THTPA: variants seen among roughly 807,000 people sequenced by gnomAD.
The protein encoded by THTPA is thiamine-triphosphatase.
THTPA carries 16 observed loss-of-function variants against 16.5 expected under a neutral mutation model. The observed-to-expected ratio is 0.97, with a 90% CI of 0.66 to 1.47. The LOEUF (loss-of-function observed/expected upper bound fraction) is 1.47. Among genes scored for constraint, THTPA ranks in the 40% most tolerant of loss-of-function variants. The pLI, the probability that THTPA is intolerant of heterozygous loss-of-function variation, is 0.00. For missense variants in THTPA, 281 were observed against 280.9 expected, an observed-to-expected ratio of 1.00 and a Z score of 0.00; for synonymous variants, 110 against 115.5, an observed-to-expected ratio of 0.95 and a Z score of 0.30.
chr14:23,528,475 A>C, the THTPA span, among the ~76,000 whole-genome samples: 1 of 151,038 alleles, frequency 6.6e-6, no homozygotes, highest in East Asian at 1.9e-4. Context: ...TACTGCCCCC[A>C]CCTTGGATTT....
chr14:23,512,746 A>G, the THTPA span: 1 of 150,312 alleles, frequency 6.7e-6, no homozygotes, highest in Non-Finnish European at 1.5e-5. Flanking sequence ...ATATGCATAT[A>G]TATGTATATA....
chr14:23,551,937 C>G (rs1277121304), upstream of THTPA, among the ~76,000 whole-genome samples: 1 of 152,218 alleles, frequency 6.6e-6, no homozygotes, highest in Non-Finnish European at 1.5e-5. This position sits in a 1 kb window ranked among gnomAD's most constrained non-coding sequence, Gnocchi z 5.3. Flanking sequence ...CAAGCCGGTG[C>G]CTGCAAAGAG....
chr14:23,551,957 C>G (rs1881998478), upstream of THTPA, among the ~76,000 whole-genome samples: 1 of 152,236 alleles, frequency 6.6e-6, no homozygotes, highest in South Asian at 2.1e-4. The surrounding 1 kb of genome is among the most constrained non-coding windows in gnomAD (Gnocchi z 5.3). Context: ...GGGCAGGCCC[C>G]TTTAAACTCT....
At chr14:23,526,264 G>A in the THTPA span, 5 of 1,536,384 alleles carry the variant, frequency 3.3e-6, no homozygotes, top group Non-Finnish European at 4.4e-6. Context: ...CAGGGGCAGA[G>A]GGGTCAATGG....
chr14:23,559,926 C>T lies in THTPA; in HGVS notation c.*1086C>T. 1 of 1,612,282 alleles carries T rather than the reference C, an allele frequency of 6.2e-7. No homozygotes were observed. The highest frequency in any genetic ancestry group is 1.1e-5 in the South Asian group (1 of 90,916). On this transcript the variant is annotated 3_prime_UTR_variant, in exon 2 of 2. Transcript: ENST00000288014. ...CCCTGGGTCTTGTCTTGGGGGAACT[C>T]CTGAAGCTCACCTTGTTAGGATTGA...
At chr14:23,539,904 C>G in the THTPA span, among the ~76,000 whole-genome samples, 3 of 152,258 alleles carry the variant, frequency 2.0e-5, no homozygotes, top group Non-Finnish European at 4.4e-5. Context: ...AAACCCAACT[C>G]CATGGCAAAG....
the THTPA span, chr14:23,534,048 G>A: frequency 6.5e-7 from 1 of 1,533,792 alleles, no homozygotes; most frequent in Non-Finnish European, 8.7e-7. This position sits in a 1 kb window ranked among gnomAD's most constrained non-coding sequence, Gnocchi z 4.5. Flanking sequence ...CAGGGGCTGG[G>A]GTGTAGTCAT....
At chr14:23,522,928 G>C in the THTPA span, 1 of 1,446,886 alleles carries the variant, frequency 6.9e-7, no homozygotes, top group Non-Finnish European at 9.0e-7. Flanking sequence ...GGAGGCCTGA[G>C]GAGGCTGCCG....
At position 23,559,620 on chromosome 14, in the gene THTPA, C is replaced by A; in HGVS notation, c.*780C>A. On this transcript the variant is annotated 3_prime_UTR_variant, in exon 2 of 2. Coordinates refer to ENST00000288014, the MANE Select transcript of THTPA (RefSeq NM_024328.6). ...GGGCTTTATTTGTGGGAGAAGGGGG[C>A]TGGTCCCCAGTTTTTGCAGTGCAAA... The A allele has an allele frequency of 1.3e-6, 1 of 745,900 alleles. No individual in the cohort carries two copies. Among genetic ancestry groups the A allele is most frequent in the Non-Finnish European group, 2.3e-6 (1 of 436,316 alleles). The allele number at this position is 745,900 out of a possible 1,614,324, so 46.2% of individuals were successfully genotyped here. A position where few individuals can be genotyped will look rare whatever the true frequency, so the allele number is the denominator to read the frequency against.
At chr14:23,525,391 AG>A in the THTPA span, 1 of 1,536,038 alleles carries the variant, frequency 6.5e-7, no homozygotes, top group South Asian at 1.2e-5. This position sits in a 1 kb window ranked among gnomAD's most constrained non-coding sequence, Gnocchi z 5.9. Context: ...TTCGAAACTG[AG>A]CAGCATAACG....
At chr14:23,547,381 T>C in the THTPA span, among the ~76,000 whole-genome samples, 1 of 152,258 alleles carries the variant, frequency 6.6e-6, no homozygotes, top group South Asian at 2.1e-4. Flanking sequence ...CCAATTCAAT[T>C]GTAGTTTCAT....
At chr14:23,531,612 C>T in the THTPA span, 49 of 1,525,100 alleles carry the variant, frequency 3.2e-5, no homozygotes, top group Admixed American at 6.0e-5. Context: ...GGCAGGTGTG[C>T]GCAGGTGTTG....
the THTPA span, among the ~76,000 whole-genome samples, chr14:23,516,168 G>A: frequency 6.6e-6 from 1 of 152,142 alleles, no homozygotes; most frequent in African/African-American, 2.4e-5. Context: ...GGTTCAGTTG[G>A]TCTTAGGTGT....
Position 23,560,119 on chromosome 14 carries a change from T to C in THTPA, c.*1279T>C. 2 of 1,415,568 alleles carry C rather than the reference T, an allele frequency of 1.4e-6. No homozygotes were observed. The highest frequency in any genetic ancestry group is 2.0e-6 in the Non-Finnish European group (2 of 1,023,188). 87.7% of individuals were successfully genotyped at this position (1,415,568 alleles called of 1,614,324 possible). A position where few individuals can be genotyped will look rare whatever the true frequency, so the allele number is the denominator to read the frequency against. On this transcript the variant is annotated 3_prime_UTR_variant, in exon 2 of 2. Transcript: ENST00000288014. ...CTCTATACTCAGTGGCTCCACACCC[T>C]TTTCCTGTAACTCCCCAAGTGCTGA...
the THTPA span, chr14:23,522,086 ATGGG>A: frequency 6.5e-7 from 1 of 1,536,148 alleles, no homozygotes; most frequent in East Asian, 2.4e-5. Context: ...GGTGATGGAG[ATGGG>A]TGGGCCCCCT....
upstream of THTPA, chr14:23,551,685 C>CCCTCCTCCT (rs372231563): frequency 1.3e-5 from 2 of 153,368 alleles, no homozygotes; most frequent in African/African-American, 4.9e-5. The surrounding 1 kb of genome is among the most constrained non-coding windows in gnomAD (Gnocchi z 5.3). Context: ...CTCCTCCTCG[C>CCCTCCTCCT]CCTCCTCCTC....
At chr14:23,525,885 C>T in the THTPA span, 8 of 1,447,328 alleles carry the variant, frequency 5.5e-6, no homozygotes, top group South Asian at 2.9e-5. The surrounding 1 kb of genome is among the most constrained non-coding windows in gnomAD (Gnocchi z 5.9). Context: ...AGCAGTGATT[C>T]GGGCACCAGA....
the THTPA span, among the ~76,000 whole-genome samples, chr14:23,535,672 A>AACCTCC: frequency 6.6e-6 from 1 of 151,762 alleles, no homozygotes; most frequent in Admixed American, 6.6e-5. This position sits in a 1 kb window ranked among gnomAD's most constrained non-coding sequence, Gnocchi z 4.5. Context: ...GGCTCACCGC[A>AACCTCC]ACCTCCACCT....
rs547319841 is a variant in THTPA, at chr14:23,557,141, G to A, written c.384G>A (p.Trp128Ter). The A allele has an allele frequency of 6.2e-7, 1 of 1,614,196 alleles. No homozygotes were observed. Among genetic ancestry groups the A allele is most frequent in the South Asian group, 1.1e-5 (1 of 91,088 alleles). The change falls in exon 1 of 2, where the codon TGG (tryptophan) becomes TGA (stop). Residue 128 changes from tryptophan to a stop codon, truncating the protein, a stop_gained. Coordinates refer to ENST00000288014, the MANE Select transcript of THTPA (RefSeq NM_024328.6). LOFTEE classifies it high-confidence loss of function. ...GTTTTGTGACTAAGCGGAGTGCCTG[G>A]AAGCTGGTGCTCTTGGGAGCTGATG... ...VASFVTKRSAWKLVLLGADEE... is the reference protein window; with the variant it reads ...VASFVTKRSA
Sources: gnomAD v4.1 joint callset for allele counts (sites outside exome capture counted in the v4.1 genomes callset) on GRCh38, gnomAD v4.1.1 for gene constraint, Gnocchi (gnomAD v3.1) non-coding constraint, MANE v1.5 for transcripts, NCBI Gene and HGNC (gene_info 2026-07-23, HGNC 2026-07-21) for gene names.